ARL14EP: variants seen among roughly 807,000 people sequenced by gnomAD.
The protein encoded by ARL14EP is ARF like GTPase 14 effector protein, also known as ARL14 effector protein.
A neutral mutation model predicts 23.1 loss-of-function variants in ARL14EP; 12 were observed. The observed-to-expected ratio is 0.52, with a 90% CI of 0.33 to 0.84. The LOEUF (loss-of-function observed/expected upper bound fraction) is 0.84. ARL14EP is among the 40% of genes least tolerant of loss of function. The probability of loss-of-function intolerance (pLI) is 0.02; values close to 1 mark genes in which losing one functional copy is unlikely to be tolerated. For synonymous variants in ARL14EP, 97 were observed against 102.0 expected, an observed-to-expected ratio of 0.95 and a Z score of 0.29; for missense variants, 253 against 307.3, an observed-to-expected ratio of 0.82 and a Z score of 1.32.
chr11:30,336,673 T>C lies in ARL14EP; in HGVS notation c.661T>C (p.Tyr221His). The C allele has an allele frequency of 6.2e-7, 1 of 1,614,216 alleles. No individual in the cohort carries two copies. The highest frequency in any genetic ancestry group is 8.5e-7 in the Non-Finnish European group (1 of 1,180,040). ...CLDEDCLGCFYACPACGSTKC... is the reference protein window; with the variant it reads ...CLDEDCLGCFHACPACGSTKC... The stretch of plus-strand genomic sequence containing the variant: ...GGATGAAGACTGCTTAGGATGTTTC[T>C]ATGCTTGTCCTGCCTGTGGTTCTAC... The change falls in exon 4 of 4, where the codon TAT becomes CAT. Residue 221 changes from tyrosine (Y) to histidine (H), a missense_variant. Tyr to His is a moderately conservative substitution (Grantham distance 83, BLOSUM62 2). Coordinates refer to ENST00000282032, the MANE Select transcript of ARL14EP (RefSeq NM_152316.3).
At chr11:30,331,408 A>G (rs1255319062) in intron 2 of ARL14EP, 34 bp downstream of exon 2, 5 of 1,613,310 alleles carry the variant, frequency 3.1e-6, no homozygotes, top group South Asian at 1.1e-5. Flanking sequence ...CTACATTGTG[A>G]ATTCTACCAT....
intron 1 of ARL14EP, among the ~76,000 whole-genome samples, chr11:30,326,817 TGC>T: frequency 1.5e-5 from 1 of 65,510 alleles, no homozygotes; most frequent in East Asian, 1.2e-3. Context: ...CTCAGGTGTG[TGC>T]AGTTTTACTC....
At chr11:30,323,598 G>A (rs555117084) in intron 1 of ARL14EP, among the ~76,000 whole-genome samples, 1 of 152,308 alleles carries the variant, frequency 6.6e-6, no homozygotes, top group South Asian at 2.1e-4. Flanking sequence ...TTTCAACCCT[G>A]GCCGTTTGAG....
chr11:30,334,214 T>G (rs1381942691), intron 3 of ARL14EP, among the ~76,000 whole-genome samples: 2 of 101,058 alleles, frequency 2.0e-5, no homozygotes, highest in Admixed American at 9.9e-5. Context: ...CCTTCTTTTT[T>G]TTTTTTTTTT....
At chr11:30,326,875 G>A (rs939954585) in intron 1 of ARL14EP, among the ~76,000 whole-genome samples, 14 of 152,170 alleles carry the variant, frequency 9.2e-5, no homozygotes, top group African/African-American at 3.4e-4. Context: ...GTTTGCCGCT[G>A]AATTTTAATC....
At position 30,331,961 on chromosome 11, in the gene ARL14EP, A is replaced by T. The variant is rs57926913; in HGVS notation, c.426+587A>T. ...TTTAGGACTCCTTGAGGTAAAAAAA[A>T]AATAATACATTTTTACATTGTAAAG... On this transcript the variant is annotated intron_variant, in intron 2 of 3. Transcript: ENST00000282032. 2.6e-5 allele frequency among the ~76,000 whole-genome samples: 4 copies of T among 152,268 alleles called. No homozygotes were observed. In the East Asian group the frequency reaches 7.7e-4, roughly 29 times the overall value.
Position 30,334,208 on chromosome 11 carries a change from C to CTTTTTTTTTTTTTTTTTTTTTTTTTTTT in ARL14EP, c.554+1240_554+1241insTTTTTTTTTTTTTTTTTTTTTTTTTTTT, listed in dbSNP as rs36111177. On this transcript the variant is annotated intron_variant, in intron 3 of 3. Coordinates refer to ENST00000282032, the MANE Select transcript of ARL14EP (RefSeq NM_152316.3). ...CAGATTTTCAATGTAGACCAGCCTT[C>CTTTTTTTTTTTTTTTTTTTTTTTTTTTT]TTTTTTTTTTTTTTTTTTTTTTTTT... 1.5e-4 allele frequency among the ~76,000 whole-genome samples: 13 copies of CTTTTTTTTTTTTTTTTTTTTTTTTTTTT among 86,032 alleles called. 1 individual carries two copies. Among genetic ancestry groups the CTTTTTTTTTTTTTTTTTTTTTTTTTTTT allele is most frequent in the East Asian group, 7.4e-4 (1 of 1,360 alleles). The allele number at this position is 86,032 out of a possible 152,430, so 56.4% of individuals were successfully genotyped here.
intron 3 of ARL14EP, among the ~76,000 whole-genome samples, chr11:30,335,244 G>T (rs1327981209): frequency 6.6e-6 from 1 of 152,186 alleles, no homozygotes; most frequent in Non-Finnish European, 1.5e-5. Context: ...AAACTTGAAT[G>T]GATAAGGAGT....
intron 2 of ARL14EP, 26 bp downstream of exon 2, chr11:30,331,400 A>G: frequency 6.2e-7 from 1 of 1,613,438 alleles, no homozygotes; most frequent in Non-Finnish European, 8.5e-7. Flanking sequence ...ATTTTTTTCT[A>G]CATTGTGAAT....
chr11:30,331,181 C>T lies in ARL14EP; in HGVS notation c.233C>T (p.Pro78Leu), dbSNP rs1947279520. The change falls in exon 2 of 4, where the codon CCA (proline) becomes CTA (leucine). Residue 78 changes from proline to leucine, a missense_variant. Pro to Leu is a moderately conservative substitution (Grantham distance 98). Transcript: ENST00000282032. The part of the protein sequence containing the change: ...FEDLQKSCCD[P>L]FNIHKKLAKK... The stretch of plus-strand genomic sequence containing the variant: ...GATTTACAGAAGTCATGTTGTGACC[C>T]ATTTAACATACACAAGAAATTAGCC... The T allele has an allele frequency of 6.2e-7, 1 of 1,613,824 alleles. No homozygotes were observed. Among genetic ancestry groups the T allele is most frequent in the Non-Finnish European group, 8.5e-7 (1 of 1,179,810 alleles).
intron 1 of ARL14EP, among the ~76,000 whole-genome samples, chr11:30,323,989 T>A (rs144439321): frequency 6.6e-6 from 1 of 152,222 alleles, no homozygotes; most frequent in East Asian, 1.9e-4. Flanking sequence ...ACCTTTCTTA[T>A]TGTACCTAGA....
intron 1 of ARL14EP, 134 bp downstream of exon 1, chr11:30,323,336 G>C (rs11826681): frequency 0.34 from 52,214 of 152,276 alleles, 9,544 homozygotes; most frequent in East Asian, 0.61. Context: ...ACGTGAGGGG[G>C]ATTTCCAGCT....
At chr11:30,326,349 A>G (rs1478354818) in intron 1 of ARL14EP, among the ~76,000 whole-genome samples, 1 of 152,188 alleles carries the variant, frequency 6.6e-6, no homozygotes, top group South Asian at 2.1e-4. Context: ...GTGCTGATTC[A>G]GGGAGAGTAA....
chr11:30,332,215 T>C (rs2133650773), intron 2 of ARL14EP, among the ~76,000 whole-genome samples: 1 of 151,712 alleles, frequency 6.6e-6, no homozygotes, highest in South Asian at 2.1e-4. Flanking sequence ...AATTTGAAAT[T>C]ATACTATTTT....
intron 1 of ARL14EP, chr11:30,327,941 A>C (rs532501672): frequency 4.4e-5 from 5 of 114,792 alleles, no homozygotes; most frequent in Non-Finnish European, 8.3e-5. Flanking sequence ...TCGCCACTGC[A>C]CTCTAGCCTG....
chr11:30,324,553 G>A (rs979192677), intron 1 of ARL14EP, among the ~76,000 whole-genome samples: 1 of 151,538 alleles, frequency 6.6e-6, no homozygotes, highest in Admixed American at 6.6e-5. Context: ...GTTAGTGGTG[G>A]GGGGGGTGTT....
At chr11:30,335,673 A>T (rs1014091771) in intron 3 of ARL14EP, among the ~76,000 whole-genome samples, 1 of 150,804 alleles carries the variant, frequency 6.6e-6, no homozygotes, top group Non-Finnish European at 1.5e-5. Context: ...ATTAAGGTAC[A>T]TACATTTTTT....
chr11:30,331,476 C>T (rs1304433734), intron 2 of ARL14EP, 102 bp downstream of exon 2: 1 of 1,554,340 alleles, frequency 6.4e-7, no homozygotes, highest in Non-Finnish European at 8.7e-7. Context: ...AATTTGTTAG[C>T]ATACAGTGAA....
intron 1 of ARL14EP, among the ~76,000 whole-genome samples, chr11:30,324,005 C>T (rs1947216613): frequency 6.6e-6 from 1 of 152,132 alleles, no homozygotes; most frequent in African/African-American, 2.4e-5. Context: ...CTAGATCTTC[C>T]TGAGGATTGA....
Sources: allele counts gnomAD v4.1 joint callset (sites outside exome capture counted in the v4.1 genomes callset), GRCh38; gene constraint gnomAD v4.1.1; transcripts MANE v1.5; gene names NCBI Gene and HGNC (gene_info 2026-07-23, HGNC 2026-07-21).